UBE2H: variants seen among roughly 807,000 people sequenced by gnomAD.
The protein encoded by UBE2H is ubiquitin conjugating enzyme E2 H.
In UBE2H, 3 loss-of-function variants were observed where a neutral mutation model predicts 29.0. The ratio of observed to expected loss-of-function variants is 0.10; its 90% CI spans 0.05 to 0.27. The LOEUF (loss-of-function observed/expected upper bound fraction) is 0.27, where lower values mean the gene tolerates loss of function less well. Among genes scored for constraint, UBE2H ranks in the 10% least tolerant of loss-of-function variants. The probability of loss-of-function intolerance (pLI) is 1.00; values close to 1 mark genes in which losing one functional copy is unlikely to be tolerated. For synonymous variants in UBE2H, 69 were observed against 82.9 expected (o/e 0.83, Z 0.91); for missense variants, 68 against 228.2 (o/e 0.30, Z 4.52).
Position 129,911,000 on chromosome 7 carries a change from A to C in UBE2H, c.54-30029T>G, listed in dbSNP as rs548762923. On this transcript the variant is annotated intron_variant, in intron 1 of 6. Coordinates refer to ENST00000355621, the MANE Select transcript of UBE2H (RefSeq NM_003344.4). Reference sequence around the variant, plus strand: ...GTTGTGAGATTATCTCCAACAGTCCAGGTAAGGTCCCGAGGCCCTGAATCA... The same window carrying C: ...GTTGTGAGATTATCTCCAACAGTCCCGGTAAGGTCCCGAGGCCCTGAATCA... Among the ~76,000 whole-genome samples, 15 of 152,302 alleles carry C rather than the reference A, an allele frequency of 9.8e-5. No homozygotes were observed. The South Asian group carries it at 3.1e-3, about 32-fold the overall frequency.
chr7:129,881,798 C>G (rs2116374616), intron 1 of UBE2H, among the ~76,000 whole-genome samples: 1 of 152,248 alleles, frequency 6.6e-6, no homozygotes, highest in African/African-American at 2.4e-5. Flanking sequence ...CAGCAAAATA[C>G]AAATTCCCCT....
intron 1 of UBE2H, among the ~76,000 whole-genome samples, chr7:129,944,754 A>ACG (rs1195238835): frequency 6.7e-6 from 1 of 149,984 alleles, no homozygotes; most frequent in Admixed American, 6.7e-5. Context: ...ACACACACGC[A>ACG]CGCACGCACG....
intron 2 of UBE2H, among the ~76,000 whole-genome samples, 184 bp downstream of exon 2, chr7:129,880,711 C>T (rs1403228500): frequency 6.6e-6 from 1 of 152,132 alleles, no homozygotes; most frequent in East Asian, 1.9e-4. Flanking sequence ...CAATCCCCTA[C>T]AGATATCAAG....
At chr7:129,928,238 A>C (rs1807312939) in intron 1 of UBE2H, among the ~76,000 whole-genome samples, 1 of 152,014 alleles carries the variant, frequency 6.6e-6, no homozygotes, top group Non-Finnish European at 1.5e-5. Flanking sequence ...AGGCAGGAGA[A>C]GTGCTTCAAC....
At chr7:129,900,460 C>G (rs1806687776) in intron 1 of UBE2H, among the ~76,000 whole-genome samples, 1 of 152,146 alleles carries the variant, frequency 6.6e-6, no homozygotes, top group Non-Finnish European at 1.5e-5. Flanking sequence ...TTTGTATATA[C>G]TATTTGATTT....
Position 129,833,903 on chromosome 7 carries a change from G to A in UBE2H, c.*1034C>T, listed in dbSNP as rs1805275465. ...CCCAGGGCTTTGCAGTCACCACGTG[G>A]GTCGTCTTCTCAAGTCTAATGGTCC... On this transcript the variant is annotated 3_prime_UTR_variant, in exon 7 of 7. Coordinates refer to ENST00000355621, the MANE Select transcript of UBE2H (RefSeq NM_003344.4). 6.6e-6 allele frequency: 1 copy of A among 152,080 alleles called. No homozygotes were observed. Among genetic ancestry groups the A allele is most frequent in the Non-Finnish European group, 1.5e-5 (1 of 68,032 alleles). 9.4% of individuals were successfully genotyped at this position (152,080 alleles called of 1,614,324 possible).
chr7:129,889,629 G>A (rs780469452), intron 1 of UBE2H, among the ~76,000 whole-genome samples: 3 of 152,074 alleles, frequency 2.0e-5, no homozygotes, highest in African/African-American at 4.8e-5. Flanking sequence ...TGCAAGCTCC[G>A]TAAGAGCAGG....
At chr7:129,839,717 G>GT (rs112018420) in intron 5 of UBE2H, 16,101 of 217,608 alleles carry the variant, frequency 0.074, 307 homozygotes, top group African/African-American at 0.12. Flanking sequence ...TTTTTTGTTT[G>GT]TTTTTTTTTT....
intron 1 of UBE2H, among the ~76,000 whole-genome samples, chr7:129,914,924 T>C (rs1336982807): frequency 6.6e-6 from 1 of 152,154 alleles, no homozygotes; most frequent in Admixed American, 6.5e-5. Context: ...GAGGAAGATA[T>C]TTAAAGTGCT....
intron 1 of UBE2H, among the ~76,000 whole-genome samples, chr7:129,894,298 A>T (rs1192927293): frequency 3.9e-5 from 6 of 152,036 alleles, no homozygotes; most frequent in African/African-American, 1.2e-4. Context: ...TACAAAAAAT[A>T]AAAAAATTAG....
Position 129,835,005 on chromosome 7 carries a change from C to A in UBE2H, c.484G>T (p.Gly162Trp). Residue 162 changes from glycine (G) to tryptophan (W), a missense_variant, in exon 7 of 7, where the codon GGG becomes TGG. By Grantham distance (184) the Gly-to-Trp change is radical. Around this residue, in one of 3 missense-constraint regions of UBE2H, gnomAD observed 25 missense variants for 32.4 expected, o/e 0.77. Coordinates refer to ENST00000355621, the MANE Select transcript of UBE2H (RefSeq NM_003344.4). Reference protein sequence around the residue: ...EALKEQEEGTGDSSSESSMSD... With the variant: ...EALKEQEEGTWDSSSESSMSD... Reference sequence around the variant, plus strand: ...ATAGAGCTCTCCGATGAGCTGTCCCCGGTACCCTCTTCCTGTTCTTTCAGC... The same window carrying A: ...ATAGAGCTCTCCGATGAGCTGTCCCAGGTACCCTCTTCCTGTTCTTTCAGC... The A allele has an allele frequency of 6.2e-7, 1 of 1,614,098 alleles. No homozygotes were observed. Among genetic ancestry groups the A allele is most frequent in the South Asian group, 1.1e-5 (1 of 91,082 alleles).
intron 1 of UBE2H, among the ~76,000 whole-genome samples, chr7:129,884,836 G>C (rs912926494): frequency 6.6e-6 from 1 of 152,038 alleles, no homozygotes; most frequent in African/African-American, 2.4e-5. Flanking sequence ...TCCCACCTCG[G>C]CTTCCCAGAG....
intron 1 of UBE2H, among the ~76,000 whole-genome samples, chr7:129,890,361 A>ACG (rs1563035965): frequency 6.6e-6 from 1 of 151,584 alleles, no homozygotes; most frequent in African/African-American, 2.4e-5. Context: ...ATATATACAC[A>ACG]TATATATACA....
chr7:129,920,232 T>C (rs1011582670), intron 1 of UBE2H, among the ~76,000 whole-genome samples: 20 of 151,714 alleles, frequency 1.3e-4, no homozygotes, highest in African/African-American at 4.9e-4. Context: ...CATATATATA[T>C]GAACATTATG....
intron 1 of UBE2H, among the ~76,000 whole-genome samples, chr7:129,900,749 T>C (rs2116421341): frequency 6.8e-6 from 1 of 146,896 alleles, no homozygotes; most frequent in South Asian, 2.2e-4. Context: ...GATTTCTTTT[T>C]CCTTTTTTTT....
intron 3 of UBE2H, among the ~76,000 whole-genome samples, chr7:129,867,194 C>T (rs1696386214): frequency 6.6e-6 from 1 of 152,056 alleles, no homozygotes; most frequent in Admixed American, 6.6e-5. Flanking sequence ...CCCAGGAGGT[C>T]CTGAGAACAT....
intron 3 of UBE2H, among the ~76,000 whole-genome samples, chr7:129,872,532 C>T (rs1806059900): frequency 6.6e-6 from 1 of 151,994 alleles, no homozygotes; most frequent in Admixed American, 6.6e-5. Context: ...TTATCACTTG[C>T]ATGAGTAAAA....
At chr7:129,899,893 C>T (rs1418919935) in intron 1 of UBE2H, among the ~76,000 whole-genome samples, 2 of 152,032 alleles carry the variant, frequency 1.3e-5, no homozygotes, top group East Asian at 1.9e-4. Flanking sequence ...TTTGGGAGGC[C>T]GAGGCAGGCA....
At chr7:129,845,323 T>C (rs1234526638) in intron 5 of UBE2H, among the ~76,000 whole-genome samples, 1 of 152,166 alleles carries the variant, frequency 6.6e-6, no homozygotes, top group African/African-American at 2.4e-5. Context: ...ATGTGTGTGA[T>C]ACAGACATCT....
Sources: allele counts gnomAD v4.1 joint callset (sites outside exome capture counted in the v4.1 genomes callset), GRCh38; gene constraint gnomAD v4.1.1; regional missense constraint gnomAD v4.1.1; transcripts MANE v1.5; gene names NCBI Gene and HGNC (gene_info 2026-07-23, HGNC 2026-07-21).